The following CTSV variants were observed in gnomAD, a reference collection of about 807,000 sequenced individuals.
CTSV encodes the protein cathepsin L2.
CTSV carries 33 observed loss-of-function variants against 35.6 expected under a neutral mutation model. The observed-to-expected ratio is 0.93, with a 90% CI of 0.70 to 1.24. The LOEUF (loss-of-function observed/expected upper bound fraction) is 1.24, where lower values mean the gene tolerates loss of function less well. CTSV is among the 50% of genes most tolerant of loss of function. The pLI, the probability that CTSV is intolerant of heterozygous loss-of-function variation, is 0.00. For synonymous variants in CTSV, 154 were observed against 147.1 expected, an observed-to-expected ratio of 1.05 and a Z score of -0.34; for missense variants, 408 against 413.1, an observed-to-expected ratio of 0.99 and a Z score of 0.11.
intron 7 of CTSV, 32 bp downstream of exon 7, chr9:97,034,693 CA>C: frequency 6.5e-7 from 1 of 1,540,160 alleles, no homozygotes; most frequent in Non-Finnish European, 9.0e-7. Flanking sequence ...TGATTTGGAA[CA>C]AAAATTCCCT....
intron 2 of CTSV, 134 bp downstream of exon 2, chr9:97,037,784 G>A (rs1218493276): frequency 7.3e-7 from 1 of 1,375,380 alleles, no homozygotes; most frequent in Non-Finnish European, 1.0e-6. Context: ...TGCCCATATT[G>A]CACCTATAAT....
rs368828067 is a variant in CTSV at position 97,035,712 on chromosome 9, G to C, written c.622-19C>G. ...TTTCATCCTTTTAAAGTTAAAGGGGGAGAGACTTGATCACTACCATCTACC... is the reference window on the plus strand; with the variant it reads ...TTTCATCCTTTTAAAGTTAAAGGGGCAGAGACTTGATCACTACCATCTACC... On this transcript the variant is annotated intron_variant, in intron 5 of 7. Transcript: ENST00000259470. 4 of 1,436,910 alleles carry C rather than the reference G, an allele frequency of 2.8e-6. No homozygotes were observed. The highest frequency in any genetic ancestry group is 2.9e-5 in the African/African-American group (2 of 69,142). 89.0% of individuals were successfully genotyped at this position (1,436,910 alleles called of 1,614,324 possible). A position where few individuals can be genotyped will look rare whatever the true frequency, so the allele number is the denominator to read the frequency against.
chr9:97,037,212 T>C (rs770858139), intron 4 of CTSV, 40 bp downstream of exon 4: 10 of 1,593,412 alleles, frequency 6.3e-6, no homozygotes, highest in Non-Finnish European at 8.6e-6. Context: ...CCTTCTTGGC[T>C]TTCCTGTGGA....
rs1587731311 is a variant in CTSV at position 97,030,030 on chromosome 9, G to A, written c.*2919C>T. The A allele has an allele frequency of 1.3e-5, 2 of 152,172 alleles. No individual in the cohort carries two copies. Among genetic ancestry groups the A allele is most frequent in the Admixed American group, 6.5e-5 (1 of 15,282 alleles). 9.4% of individuals were successfully genotyped at this position (152,172 alleles called of 1,614,324 possible). The stretch of plus-strand genomic sequence containing the variant: ...TGTCAGTGTACTCTATGATGTTCAC[G>A]TCACGATGAAATCACCCAAGACACA... On this transcript the variant is annotated 3_prime_UTR_variant, in exon 8 of 8. Coordinates refer to ENST00000259470, the MANE Select transcript of CTSV (RefSeq NM_001333.4).
chr9:97,038,044 G>A lies in CTSV; in HGVS notation c.-1C>T. 1 of 1,613,136 alleles carries A rather than the reference G, an allele frequency of 6.2e-7. No homozygotes were observed. Among genetic ancestry groups the A allele is most frequent in the South Asian group, 1.1e-5 (1 of 91,074 alleles). ...CAGCCAGGACGAGCGAAAGATTCAT[G>A]TTTCAAAACCTAGAAAGAGAAAAGA... On this transcript the variant is annotated 5_prime_UTR_variant, in exon 2 of 8. Transcript: ENST00000259470.
chr9:97,038,709 G>T (rs904100152), intron 1 of CTSV, among the ~76,000 whole-genome samples: 4 of 152,080 alleles, frequency 2.6e-5, no homozygotes, highest in Admixed American at 2.0e-4. Flanking sequence ...CTCCGGGCGG[G>T]CCAGGACCGG....
chr9:97,039,029 T>C, intron 1 of CTSV, 42 bp downstream of exon 1: 1 of 152,436 alleles, frequency 6.6e-6, no homozygotes, highest in Non-Finnish European at 1.5e-5. Context: ...CCTCCTCCAG[T>C]CCCCCTTCGC....
At chr9:97,039,596 A>C (rs932212870), upstream of CTSV, 1 of 152,156 alleles carries the variant, frequency 6.6e-6, no homozygotes. Context: ...AGCCCCCAGC[A>C]GAAGCATTAC....
In CTSV at chr9:97,038,075, G is replaced by A. The variant is rs899712071; in HGVS notation, c.-10-22C>T. ...AAACCTAGAAAGAGAAAAGAAATGA[G>A]TATCTGATTAGACCAATCCTAAAAA... On this transcript the variant is annotated intron_variant, in intron 1 of 7. Coordinates refer to ENST00000259470, the MANE Select transcript of CTSV (RefSeq NM_001333.4). 3 of 1,609,758 alleles carry A rather than the reference G, an allele frequency of 1.9e-6. No homozygotes were observed. In the South Asian group the frequency reaches 3.3e-5, roughly 18 times the overall value.
At position 97,031,527 on chromosome 9, in the gene CTSV, TTAAA is replaced by T. The variant is rs1175251917; in HGVS notation, c.*1418_*1421del. On this transcript the variant is annotated 3_prime_UTR_variant, in exon 8 of 8. Coordinates refer to ENST00000259470, the MANE Select transcript of CTSV (RefSeq NM_001333.4). ...AAATACATGCTTTTCACTAAACGAG[TTAAA>T]TAACCACCCATAATTCACCCACAAG... 2.6e-5 allele frequency: 4 copies of T among 152,370 alleles called. No homozygotes were observed. The highest frequency in any genetic ancestry group is 4.1e-4 in the South Asian group (2 of 4,828). 9.4% of individuals were successfully genotyped at this position (152,370 alleles called of 1,614,324 possible).
rs372326415 is a variant in CTSV, at chr9:97,032,079, C to T, written c.*870G>A. 1.3e-5 allele frequency: 2 copies of T among 152,312 alleles called. No homozygotes were observed. Among genetic ancestry groups the T allele is most frequent in the East Asian group, 3.9e-4 (2 of 5,182 alleles). 9.4% of individuals were successfully genotyped at this position (152,312 alleles called of 1,614,324 possible). On this transcript the variant is annotated 3_prime_UTR_variant, in exon 8 of 8. Coordinates refer to ENST00000259470, the MANE Select transcript of CTSV (RefSeq NM_001333.4). ...TATGTGTCAAAGGAAGAAGACATTTCCTTTTCTAAAAAGTCAACTGCTTTC... is the reference window on the plus strand; with the variant it reads ...TATGTGTCAAAGGAAGAAGACATTTTCTTTTCTAAAAAGTCAACTGCTTTC...
In CTSV at chr9:97,035,535, G is replaced by C; in HGVS notation, c.780C>G (p.Tyr260Ter). ...MDAGHSSFQF[Y>*]KSGIYFEPDC... is the part of the protein sequence containing the mutation. ...TAATAAAATGACACTTACCTGATTT[G>C]TAGAACTGGAAGGACGAATGGCCTG... The change falls in exon 6 of 8, where the codon TAC becomes TAG. Residue 260 changes from tyrosine to a stop codon, truncating the protein, a stop_gained. Coordinates refer to ENST00000259470, the MANE Select transcript of CTSV (RefSeq NM_001333.4). LOFTEE classifies it high-confidence loss of function. 6.5e-7 allele frequency: 1 copy of C among 1,535,268 alleles called. No individual in the cohort carries two copies. The highest frequency in any genetic ancestry group is 8.8e-7 in the Non-Finnish European group (1 of 1,135,978).
At chr9:97,038,185 G>T in intron 1 of CTSV, 132 bp from the exon 2 acceptor site, 2 of 1,003,412 alleles carry the variant, frequency 2.0e-6, no homozygotes, top group Non-Finnish European at 2.8e-6. Context: ...GGCTGAAACA[G>T]GCCAAGTGGA....
intron 2 of CTSV, 69 bp downstream of exon 2, chr9:97,037,849 G>A: frequency 1.3e-6 from 2 of 1,584,146 alleles, no homozygotes; most frequent in South Asian, 2.3e-5. Flanking sequence ...CTACTCTCTG[G>A]CTATCAACTC....
At chr9:97,038,087 A>G in intron 1 of CTSV, 34 bp from the exon 2 acceptor site, 1 of 1,590,556 alleles carries the variant, frequency 6.3e-7, no homozygotes, top group Non-Finnish European at 8.6e-7. Context: ...ATCTGATTAG[A>G]CCAATCCTAA....
chr9:97,039,203 C>T (rs1828914697), upstream of CTSV: 2 of 152,408 alleles, frequency 1.3e-5, no homozygotes, highest in Non-Finnish European at 2.9e-5. Context: ...CCACCGCCTT[C>T]CCGCGCTGCG....
Position 97,035,670 on chromosome 9 carries a change from A to T in CTSV, c.645T>A (p.Pro215=). Residue 215 remains proline, a synonymous_variant, in exon 6 of 8, where the codon CCT becomes CCA. Coordinates refer to ENST00000259470, the MANE Select transcript of CTSV (RefSeq NM_001333.4). ...VAVDEICKYR[P]ENSVANDTGF... is the part of the protein sequence containing the mutation. ...CAGTGTCATTAGCAACAGAATTCTCAGGTCTGTACTTACAGATTTCATCCT... is the reference window on the plus strand; with the variant it reads ...CAGTGTCATTAGCAACAGAATTCTCTGGTCTGTACTTACAGATTTCATCCT... 5.1e-6 allele frequency: 8 copies of T among 1,571,118 alleles called. No individual in the cohort carries two copies. Among genetic ancestry groups the T allele is most frequent in the Non-Finnish European group, 6.9e-6 (8 of 1,156,996 alleles).
At position 97,030,438 on chromosome 9, in the gene CTSV, G is replaced by A. The variant is rs1024048566; in HGVS notation, c.*2511C>T. On this transcript the variant is annotated 3_prime_UTR_variant, in exon 8 of 8. Transcript: ENST00000259470. ...AGATGTTCGAGTATAGGAAATATTT[G>A]CCGAGACCAGCTTGGTCATGGAGAC... 1.3e-5 allele frequency: 2 copies of A among 152,104 alleles called. No homozygotes were observed. The highest frequency in any genetic ancestry group is 4.8e-5 in the African/African-American group (2 of 41,436). The allele number at this position is 152,104 out of a possible 1,614,324, so 9.4% of individuals were successfully genotyped here.
rs1282444687 is a variant in CTSV, at chr9:97,037,937, T to C, written c.107A>G (p.His36Arg). The change falls in exon 2 of 8, where the codon CAC becomes CGC. Residue 36 changes from histidine to arginine, a missense_variant. Physicochemically the swap from His to Arg is conservative, Grantham distance 29. Coordinates refer to ENST00000259470, the MANE Select transcript of CTSV (RefSeq NM_001333.4). ...DTKWYQWKAT[H>R]RRLYGANEEG... is the part of the protein sequence containing the mutation. ...ACCAACCGCGCCATATAATCTTCTG[T>C]GTGTTGCCTTCCACTGGTACCACTT... The C allele has an allele frequency of 6.2e-7, 1 of 1,614,056 alleles. No homozygotes were observed. Among genetic ancestry groups the C allele is most frequent in the Non-Finnish European group, 8.5e-7 (1 of 1,179,996 alleles).
Sources: allele counts gnomAD v4.1 joint callset (sites outside exome capture counted in the v4.1 genomes callset), GRCh38; gene constraint gnomAD v4.1.1; transcripts MANE v1.5; gene names NCBI Gene and HGNC (gene_info 2026-07-23, HGNC 2026-07-21).